Variants in CACNB2 observed in about 807,000 individuals in gnomAD.
CACNB2 encodes calcium voltage-gated channel auxiliary subunit beta 2.
A neutral mutation model predicts 73.3 loss-of-function variants in CACNB2; 42 were observed. The ratio of observed to expected loss-of-function variants is 0.57; its 90% CI spans 0.45 to 0.74. CACNB2 has a LOEUF of 0.74. Ranked by LOEUF, CACNB2 falls within the 30% of genes least tolerant of loss-of-function variation. The probability of loss-of-function intolerance (pLI) is 0.00; values close to 1 mark genes in which losing one functional copy is unlikely to be tolerated. For synonymous variants in CACNB2, 348 were observed against 310.3 expected (o/e 1.12, Z -1.28); for missense variants, 940 against 853.0 (o/e 1.10, Z -1.27).
intron 5 of CACNB2, among the ~76,000 whole-genome samples, chr10:18,501,918 C>A (rs1457474522): frequency 6.6e-6 from 1 of 152,154 alleles, no homozygotes; most frequent in Non-Finnish European, 1.5e-5. Context: ...TTTGAGACCT[C>A]CACCCCAGAA....
chr10:18,536,469 C>G (rs897321421), intron 12 of CACNB2, among the ~76,000 whole-genome samples: 1 of 151,584 alleles, frequency 6.6e-6, no homozygotes, highest in African/African-American at 2.4e-5. Context: ...GCTATGTTGC[C>G]CAGGCTGGTC....
intron 2 of CACNB2, among the ~76,000 whole-genome samples, chr10:18,265,462 T>A (rs1403699937): frequency 1.3e-5 from 2 of 152,190 alleles, no homozygotes; most frequent in Non-Finnish European, 2.9e-5. Flanking sequence ...AAGTACCTGT[T>A]CAAGTATCTT....
At chr10:18,470,274 G>C (rs1435437914) in intron 3 of CACNB2, among the ~76,000 whole-genome samples, 2 of 150,494 alleles carry the variant, frequency 1.3e-5, no homozygotes, top group African/African-American at 2.4e-5. Flanking sequence ...ATCACCTGAG[G>C]TCTGGAGTTT....
intron 2 of CACNB2, among the ~76,000 whole-genome samples, chr10:18,383,403 A>G (rs1447602071): frequency 6.6e-6 from 1 of 152,188 alleles, no homozygotes; most frequent in Non-Finnish European, 1.5e-5. Flanking sequence ...TTACAAAGGC[A>G]CCGTAAGAGT....
chr10:18,463,826 T>G (rs1242765320), intron 3 of CACNB2, among the ~76,000 whole-genome samples: 1 of 152,014 alleles, frequency 6.6e-6, no homozygotes, highest in Non-Finnish European at 1.5e-5. Context: ...TGGCCCATGA[T>G]CAGAGCCCAA....
chr10:18,305,533 G>A (rs903039130), intron 2 of CACNB2, among the ~76,000 whole-genome samples: 3 of 152,192 alleles, frequency 2.0e-5, no homozygotes, highest in African/African-American at 7.2e-5. Context: ...CCTAAGTCAT[G>A]AAAGAAGACA....
Position 18,539,614 on chromosome 10 carries a change from C to CG in CACNB2, c.1874dup (p.Ser626GlnfsTer4). 1 of 1,613,562 alleles carries CG rather than the reference C, an allele frequency of 6.2e-7. No individual in the cohort carries two copies. The highest frequency in any genetic ancestry group is 1.1e-5 in the South Asian group (1 of 91,046). On this transcript the variant is annotated frameshift_variant, in exon 14 of 14. Transcript: ENST00000324631. LOFTEE classifies it high-confidence loss of function. ...GGACCACAACGAGTGCAACAAGCAG[C>CG]GCAGCCGTCATAAATCCAAGGATCG... is the stretch of plus-strand genomic sequence containing the variant.
chr10:18,299,058 A>C, intron 2 of CACNB2, among the ~76,000 whole-genome samples: 1 of 140,358 alleles, frequency 7.1e-6, no homozygotes, highest in Non-Finnish European at 1.5e-5. Flanking sequence ...CCTAAAACTT[A>C]AAGTATACTA....
chr10:18,185,932 G>A (rs1290495269), intron 2 of CACNB2, among the ~76,000 whole-genome samples: 1 of 152,120 alleles, frequency 6.6e-6, no homozygotes, highest in African/African-American at 2.4e-5. Flanking sequence ...GTGATTGGTG[G>A]TTTGAGGAAG....
intron 3 of CACNB2, among the ~76,000 whole-genome samples, chr10:18,417,360 CTTTTTTT>C (rs34847923): frequency 0.015 from 1,327 of 87,060 alleles, 8 homozygotes; most frequent in Non-Finnish European, 0.021. Context: ...GCTAAAAATT[CTTTTTTT>C]TTTTTTTTTT....
intron 2 of CACNB2, among the ~76,000 whole-genome samples, chr10:18,396,770 C>T (rs1430249649): frequency 6.6e-6 from 1 of 152,122 alleles, no homozygotes; most frequent in Non-Finnish European, 1.5e-5. Context: ...TGTGCCTGGC[C>T]CCATTTTGCT....
At chr10:18,235,081 T>G (rs1456093028) in intron 2 of CACNB2, among the ~76,000 whole-genome samples, 1 of 149,778 alleles carries the variant, frequency 6.7e-6, no homozygotes, top group Non-Finnish European at 1.5e-5. Context: ...AGGCGGAGCT[T>G]GCAGTGAGCC....
chr10:18,431,998 C>T (rs1267046141), intron 3 of CACNB2, among the ~76,000 whole-genome samples: 1 of 152,092 alleles, frequency 6.6e-6, no homozygotes, highest in Non-Finnish European at 1.5e-5. Context: ...CTCCTGACCT[C>T]GTGATCCGCC....
intron 2 of CACNB2, among the ~76,000 whole-genome samples, chr10:18,302,124 A>G (rs934693010): frequency 1.3e-5 from 2 of 152,186 alleles, no homozygotes; most frequent in Non-Finnish European, 2.9e-5. Flanking sequence ...AATTGCCCAC[A>G]TCAGGCCTCC....
intron 2 of CACNB2, among the ~76,000 whole-genome samples, chr10:18,252,650 G>A (rs1162923831): frequency 6.6e-6 from 1 of 152,144 alleles, no homozygotes; most frequent in East Asian, 1.9e-4. Flanking sequence ...ATACATAGCT[G>A]TAGGTAGATG....
chr10:18,299,426 C>T (rs1175049750), intron 2 of CACNB2, among the ~76,000 whole-genome samples: 2 of 152,136 alleles, frequency 1.3e-5, no homozygotes, highest in African/African-American at 4.8e-5. Context: ...GGAGCGGGAG[C>T]GTGGCTGCAC....
At chr10:18,522,570 A>T (rs2052010014) in intron 9 of CACNB2, among the ~76,000 whole-genome samples, 1 of 152,046 alleles carries the variant, frequency 6.6e-6, no homozygotes, top group Non-Finnish European at 1.5e-5. Flanking sequence ...TTATAGGAGG[A>T]CAAGTCTTTT....
intron 2 of CACNB2, among the ~76,000 whole-genome samples, chr10:18,249,134 G>GA (rs1270257921): frequency 6.6e-6 from 1 of 152,082 alleles, no homozygotes; most frequent in Admixed American, 6.5e-5. Context: ...AATTTCATCT[G>GA]AGAAAATAGC....
chr10:18,445,966 G>A (rs1193145477), intron 3 of CACNB2, among the ~76,000 whole-genome samples: 1 of 152,172 alleles, frequency 6.6e-6, no homozygotes, highest in Non-Finnish European at 1.5e-5. Flanking sequence ...CCCAGGAGGA[G>A]GAGGTTTCAG....
Sources: gnomAD v4.1 joint callset for allele counts (sites outside exome capture counted in the v4.1 genomes callset) on GRCh38, gnomAD v4.1.1 for gene constraint, MANE v1.5 for transcripts, NCBI Gene and HGNC (gene_info 2026-07-23, HGNC 2026-07-21) for gene names.